The following TNXB variants were observed in gnomAD, a reference collection of about 807,000 sequenced individuals.
The protein encoded by TNXB is tenascin-X.
In TNXB, 183 loss-of-function variants were observed where a neutral mutation model predicts 340.5. The ratio of observed to expected loss-of-function variants is 0.54; its 90% CI spans 0.48 to 0.61. The LOEUF (loss-of-function observed/expected upper bound fraction) is 0.61, where lower values mean the gene tolerates loss of function less well. TNXB is among the 20% of genes least tolerant of loss of function. The pLI is 0.00. For missense variants in TNXB, 4,613 were observed against 5,446.4 expected, an observed-to-expected ratio of 0.85 and a Z score of 4.82; for synonymous variants, 2,121 against 2,314.5, an observed-to-expected ratio of 0.92 and a Z score of 2.40.
At position 32,058,657 on chromosome 6, in the gene TNXB, A is replaced by T. The variant is rs1376556760; in HGVS notation, c.7493-267T>A. ...AGTGTCAGGAGCCAAAGTAATTCTC[A>T]TTTCCTTTGACCCAATAATCCCAGT... On this transcript the variant is annotated intron_variant, in intron 21 of 43. Transcript: ENST00000644971. The surrounding 1 kb of genome is among the most constrained non-coding windows in gnomAD (Gnocchi z 5.1). Among the ~76,000 whole-genome samples the T allele has an allele frequency of 6.6e-6, 1 of 151,766 alleles. No homozygotes were observed. The highest frequency in any genetic ancestry group is 2.4e-5 in the African/African-American group (1 of 41,068).
chr6:32,045,382 AT>A, intron 31 of TNXB, 56 bp from the exon 32 acceptor site: 2 of 1,107,408 alleles, frequency 1.8e-6, no homozygotes, highest in Non-Finnish European at 2.6e-6. Flanking sequence ...GGGGTGCTCC[AT>A]TTTTATCTTC....
At position 32,095,331 on chromosome 6, in the gene TNXB, G is replaced by C. The variant is rs745912112; in HGVS notation, c.2243-140C>G. On this transcript the variant is annotated intron_variant, in intron 3 of 43. Coordinates refer to ENST00000644971, the MANE Select transcript of TNXB (RefSeq NM_001365276.2). ...GCTAGTGGAGAATAGCTGACAGAGG[G>C]CTGAACGGGGCTTGGATCGCCTTCA... 3 of 726,098 alleles carry C rather than the reference G, an allele frequency of 4.1e-6. No homozygotes were observed. In the African/African-American group the frequency reaches 5.3e-5, roughly 13 times the overall value. The allele number at this position is 726,098 out of a possible 1,614,324, so 45.0% of individuals were successfully genotyped here. A position where few individuals can be genotyped will look rare whatever the true frequency, so the allele number is the denominator to read the frequency against.
In TNXB at chr6:32,069,742, C is replaced by T. The variant is rs774119033; in HGVS notation, c.5398G>A (p.Glu1800Lys). The T allele has an allele frequency of 6.2e-6, 10 of 1,613,046 alleles. 1 individual carries two copies. In the South Asian group the frequency reaches 1.1e-4, roughly 18 times the overall value. The change falls in exon 15 of 44, where the codon GAG (glutamate) becomes AAG (lysine). Residue 1800 changes from glutamate (E) to lysine (K), a missense_variant. Glu to Lys is a moderately conservative substitution (Grantham distance 56). Coordinates refer to ENST00000644971, the MANE Select transcript of TNXB (RefSeq NM_001365276.2). The surrounding 1 kb of genome is among the most constrained non-coding windows in gnomAD (Gnocchi z 6.2). Reference protein sequence around the residue: ...NSVGLSWTVPEGQFDSFVVQY... With the variant: ...NSVGLSWTVPKGQFDSFVVQY... ...ACCACAAAGGAGTCAAACTGGCCCT[C>T]AGGGACTGTCCAGGAGAGGCCCACG...
Position 32,096,740 on chromosome 6 carries a change from C to A in TNXB, c.1113G>T (p.Arg371=). 6.5e-7 allele frequency: 1 copy of A among 1,538,262 alleles called. No individual in the cohort carries two copies. Among genetic ancestry groups the A allele is most frequent in the Non-Finnish European group, 8.7e-7 (1 of 1,143,670 alleles). The change falls in exon 3 of 44, where the codon CGG becomes CGT. Residue 371 remains arginine, a synonymous_variant. Coordinates refer to ENST00000644971, the MANE Select transcript of TNXB (RefSeq NM_001365276.2). ...GGCCCCGGCAGTCCCTCGGACATGT[C>A]CGCGTGCTGCAGTCCTCGCCTGTGT... ...PGYTGEDCST[R]TCPRDCRGRG...
intron 4 of TNXB, chr6:32,093,231 A>G (rs1362501025): frequency 1.6e-6 from 1 of 617,922 alleles, no homozygotes; most frequent in Non-Finnish European, 2.9e-6. Flanking sequence ...AACACTTTAA[A>G]ATGTTAGCAG....
intron 28 of TNXB, 100 bp from the exon 29 acceptor site, chr6:32,048,750 C>T (rs1777068653): frequency 8.4e-7 from 1 of 1,184,276 alleles, no homozygotes; most frequent in Non-Finnish European, 1.1e-6. Context: ...TAGCGGCCTC[C>T]TCTAAAACGC....
chr6:32,085,312 G>C lies in TNXB; in HGVS notation c.3148+438C>G, dbSNP rs1779706242. Among the ~76,000 whole-genome samples, 1 of 152,154 alleles carries C rather than the reference G, an allele frequency of 6.6e-6. No individual in the cohort carries two copies. Among genetic ancestry groups the C allele is most frequent in the African/African-American group, 2.4e-5 (1 of 41,430 alleles). On this transcript the variant is annotated intron_variant, in intron 7 of 43. Transcript: ENST00000644971. This position sits in a 1 kb window ranked among gnomAD's most constrained non-coding sequence, Gnocchi z 6.4. Reference sequence around the variant, plus strand: ...TGGACTGCTGTCCACTGCAAACCAGGCTCCCAGGGACGAGGTATTGGGGGC... The same window carrying C: ...TGGACTGCTGTCCACTGCAAACCAGCCTCCCAGGGACGAGGTATTGGGGGC...
Position 32,090,858 on chromosome 6 carries a change from T to C in TNXB, c.2359-1479A>G, listed in dbSNP as rs1353444606. Among the ~76,000 whole-genome samples the C allele has an allele frequency of 1.3e-5, 2 of 152,180 alleles. No individual in the cohort carries two copies. Among genetic ancestry groups the C allele is most frequent in the Non-Finnish European group, 2.9e-5 (2 of 68,038 alleles). On this transcript the variant is annotated intron_variant, in intron 4 of 43. Coordinates refer to ENST00000644971, the MANE Select transcript of TNXB (RefSeq NM_001365276.2). The surrounding 1 kb of genome is among the most constrained non-coding windows in gnomAD (Gnocchi z 4.3). ...TGTTCATTTTCTCTGTGTGTGTGTA[T>C]GTCTCTTTCTCTTTATCCACACCCA... is the stretch of plus-strand genomic sequence containing the variant.
chr6:32,105,178 A>G (rs1780916805), intron 1 of TNXB, among the ~76,000 whole-genome samples: 1 of 151,708 alleles, frequency 6.6e-6, no homozygotes, highest in Admixed American at 6.6e-5. Flanking sequence ...CCCCAACCCC[A>G]GATCTTTGTA....
chr6:32,102,122 G>A (rs544909697), intron 1 of TNXB, among the ~76,000 whole-genome samples: 1 of 152,300 alleles, frequency 6.6e-6, no homozygotes, highest in South Asian at 2.1e-4. Context: ...CAGAATGCTT[G>A]TCCCTCTTCA....
rs1186900890 is a variant in TNXB, at chr6:32,046,457, C to T, written c.10325-1G>A. On this transcript the variant is annotated splice_acceptor_variant, in intron 30 of 43. Coordinates refer to ENST00000644971, the MANE Select transcript of TNXB (RefSeq NM_001365276.2). LOFTEE classifies it high-confidence loss of function. The surrounding 1 kb of genome is among the most constrained non-coding windows in gnomAD (Gnocchi z 6.9). ...GGAGGTAGCTCCTTCTCCAGGGGAG[C>T]TGTGCAGAGGGAGGAGGGAAAGCTC... is the stretch of plus-strand genomic sequence containing the variant. 6.4e-7 allele frequency: 1 copy of T among 1,569,578 alleles called. No homozygotes were observed. The highest frequency in any genetic ancestry group is 8.7e-7 in the Non-Finnish European group (1 of 1,151,202).
rs1471757192 is a variant in TNXB, at chr6:32,067,324, CAAAT to C, written c.6544+333_6544+336del. On this transcript the variant is annotated intron_variant, in intron 18 of 43. Coordinates refer to ENST00000644971, the MANE Select transcript of TNXB (RefSeq NM_001365276.2). The surrounding 1 kb of genome is among the most constrained non-coding windows in gnomAD (Gnocchi z 4.2). ...TTTATACATTTGAAATTTTATTTAA[CAAAT>C]ACTTATTAATTTAATTAATTTGTAT... Among the ~76,000 whole-genome samples, 7 of 152,132 alleles carry C rather than the reference CAAAT, an allele frequency of 4.6e-5. No homozygotes were observed. Among genetic ancestry groups the C allele is most frequent in the Non-Finnish European group, 8.8e-5 (6 of 68,028 alleles).
rs1409917951 is a variant in TNXB, at chr6:32,070,455, A to T, written c.4991-41T>A. On this transcript the variant is annotated intron_variant, in intron 13 of 43. Transcript: ENST00000644971. This position sits in a 1 kb window ranked among gnomAD's most constrained non-coding sequence, Gnocchi z 6.0. ...TCTTGTGTTTATTTTTTCCAAAACG[A>T]CTCCTTGACTGCCTCCCTCTGGGGC... The T allele has an allele frequency of 6.6e-7, 1 of 1,505,806 alleles. No homozygotes were observed. The highest frequency in any genetic ancestry group is 1.4e-5 in the African/African-American group (1 of 72,312). The allele number at this position is 1,505,806 out of a possible 1,614,324, so 93.3% of individuals were successfully genotyped here.
chr6:32,081,312 G>C lies in TNXB; in HGVS notation c.4042+56C>G. Reference sequence around the variant, plus strand: ...GGAGGCTGGAAGGAGCCCCAGCCAAGTCCCGCTCACAGGATGGGGCTAGCA... The same window carrying C: ...GGAGGCTGGAAGGAGCCCCAGCCAACTCCCGCTCACAGGATGGGGCTAGCA... On this transcript the variant is annotated intron_variant, in intron 10 of 43. Coordinates refer to ENST00000644971, the MANE Select transcript of TNXB (RefSeq NM_001365276.2). The surrounding 1 kb of genome is among the most constrained non-coding windows in gnomAD (Gnocchi z 5.1). 1 of 1,480,308 alleles carries C rather than the reference G, an allele frequency of 6.8e-7. No homozygotes were observed. Among genetic ancestry groups the C allele is most frequent in the South Asian group, 1.3e-5 (1 of 75,192 alleles). The allele number at this position is 1,480,308 out of a possible 1,614,324, so 91.7% of individuals were successfully genotyped here. A position where few individuals can be genotyped will look rare whatever the true frequency, so the allele number is the denominator to read the frequency against.
At chr6:32,055,729 C>T in intron 24 of TNXB, 122 bp downstream of exon 24, 2 of 1,403,366 alleles carry the variant, frequency 1.4e-6, no homozygotes, top group East Asian at 4.9e-5. Context: ...TGCCTCTTAG[C>T]AAGATCCCCA....
intron 19 of TNXB, among the ~76,000 whole-genome samples, chr6:32,063,059 AAAACAAACAAACAAAAAC>A (rs1224101425): frequency 2.0e-5 from 3 of 151,210 alleles, no homozygotes; most frequent in Non-Finnish European, 2.9e-5. Flanking sequence ...TCTCAAGAAA[AAAACAAACAAACAAAAAC>A]AAACAAACAA....
intron 1 of TNXB, 24 bp from the exon 2 acceptor site, chr6:32,098,230 G>A (rs767701244): frequency 8.9e-6 from 13 of 1,464,614 alleles, no homozygotes; most frequent in Non-Finnish European, 1.1e-5. Flanking sequence ...GGGTAGGTAT[G>A]AGAGCAGCTT....
intron 1 of TNXB, among the ~76,000 whole-genome samples, chr6:32,100,723 T>C (rs1780674532): frequency 6.6e-6 from 1 of 151,234 alleles, no homozygotes; most frequent in South Asian, 2.1e-4. Context: ...TGATACTCTG[T>C]TTCAAAAAAA....
intron 3 of TNXB, 88 bp from the exon 4 acceptor site, chr6:32,095,279 G>C (rs1341182051): frequency 1.9e-6 from 2 of 1,030,578 alleles, no homozygotes; most frequent in Non-Finnish European, 2.9e-6. Context: ...ACATCGAAGA[G>C]GCCCATCCTA....
Sources: allele counts gnomAD v4.1 joint callset (sites outside exome capture counted in the v4.1 genomes callset), GRCh38; gene constraint gnomAD v4.1.1; non-coding constraint Gnocchi (gnomAD v3.1); transcripts MANE v1.5; gene names NCBI Gene and HGNC (gene_info 2026-07-23, HGNC 2026-07-21).